Variants in ENTREP2 observed in about 807,000 individuals in gnomAD.
ENTREP2 encodes protein ENTREP2.
the ENTREP2 span, among the ~76,000 whole-genome samples, chr15:29,289,204 C>T: frequency 7.0e-6 from 1 of 142,654 alleles, no homozygotes; most frequent in Admixed American, 7.1e-5. Context: ...GAGACCCTGT[C>T]TCAAAAAAAA....
At chr15:29,503,329 C>G in the ENTREP2 span, among the ~76,000 whole-genome samples, 1 of 152,002 alleles carries the variant, frequency 6.6e-6, no homozygotes, top group Non-Finnish European at 1.5e-5. Flanking sequence ...GTAAAAGAAG[C>G]CAAATACAAA....
the ENTREP2 span, among the ~76,000 whole-genome samples, chr15:29,135,880 T>C: frequency 1.3e-5 from 2 of 152,138 alleles, no homozygotes; most frequent in Admixed American, 6.5e-5. This position sits in a 1 kb window ranked among gnomAD's most constrained non-coding sequence, Gnocchi z 7.4. Flanking sequence ...TGGCAGTGTG[T>C]GATCAAGACA....
the ENTREP2 span, among the ~76,000 whole-genome samples, chr15:29,611,925 C>T: frequency 6.6e-6 from 1 of 152,188 alleles, no homozygotes; most frequent in African/African-American, 2.4e-5. Context: ...CTTCGCTGCA[C>T]CTCCACTCCT....
chr15:29,528,681 A>G, the ENTREP2 span, among the ~76,000 whole-genome samples: 1 of 150,026 alleles, frequency 6.7e-6, no homozygotes, highest in Non-Finnish European at 1.5e-5. Flanking sequence ...AAGAACTGTA[A>G]TTCTAGATAG....
the ENTREP2 span, among the ~76,000 whole-genome samples, chr15:29,657,000 G>A: frequency 1.3e-5 from 2 of 152,132 alleles, no homozygotes; most frequent in African/African-American, 4.8e-5. Flanking sequence ...CAGGGTGTTC[G>A]TGGTCTCGCT....
At chr15:29,181,529 A>G in the ENTREP2 span, among the ~76,000 whole-genome samples, 1 of 152,286 alleles carries the variant, frequency 6.6e-6, no homozygotes, top group South Asian at 2.1e-4. Flanking sequence ...AGAAAAGCAA[A>G]GTAGATTTTC....
the ENTREP2 span, among the ~76,000 whole-genome samples, chr15:29,419,939 A>G: frequency 6.6e-6 from 1 of 152,168 alleles, no homozygotes; most frequent in Admixed American, 6.5e-5. Flanking sequence ...CTAGAGAAAA[A>G]CCCAAATAAG....
the ENTREP2 span, among the ~76,000 whole-genome samples, chr15:29,178,110 T>C: frequency 6.6e-6 from 1 of 151,376 alleles, no homozygotes; most frequent in Non-Finnish European, 1.5e-5. Context: ...CTGGGCAACA[T>C]AGTCATGCCT....
At chr15:29,535,208 C>A in the ENTREP2 span, among the ~76,000 whole-genome samples, 144 of 151,636 alleles carry the variant, frequency 9.5e-4, no homozygotes, top group Non-Finnish European at 1.9e-3. Flanking sequence ...TATGACTGTG[C>A]CGTTTGCACT....
the ENTREP2 span, among the ~76,000 whole-genome samples, chr15:29,351,500 T>C: frequency 1.7e-4 from 26 of 151,970 alleles, no homozygotes; most frequent in East Asian, 5.0e-3. Context: ...AAGATAAATG[T>C]TTATACTCCA....
chr15:29,311,468 T>G, the ENTREP2 span, among the ~76,000 whole-genome samples: 1 of 152,178 alleles, frequency 6.6e-6, no homozygotes, highest in Non-Finnish European at 1.5e-5. Flanking sequence ...GGTGGGCGGA[T>G]CACTTGAGAT....
At chr15:29,273,533 A>C in the ENTREP2 span, among the ~76,000 whole-genome samples, 5,699 of 152,174 alleles carry the variant, frequency 0.037, 149 homozygotes, top group Non-Finnish European at 0.059. Flanking sequence ...TGTGATGATT[A>C]ATGTGGAGTG....
the ENTREP2 span, among the ~76,000 whole-genome samples, chr15:29,282,296 TC>T: frequency 2.6e-5 from 4 of 152,158 alleles, no homozygotes; most frequent in African/African-American, 9.7e-5. Context: ...GTTCTCATTC[TC>T]TCTTGTCTGC....
the ENTREP2 span, among the ~76,000 whole-genome samples, chr15:29,165,295 C>T: frequency 1.3e-5 from 2 of 151,846 alleles, no homozygotes; most frequent in African/African-American, 2.4e-5. Context: ...AAACCCAAAC[C>T]CAGCAGAAGA....
chr15:29,571,035 T>TGCTGCCGTACCGGGCGCGAGCC, the ENTREP2 span, among the ~76,000 whole-genome samples: 19 of 146,022 alleles, frequency 1.3e-4, no homozygotes, highest in African/African-American at 2.2e-4. Context: ...CCGCCGCCGC[T>TGCTGCCGTACCGGGCGCGAGCC]GCTGCCGTAC....
the ENTREP2 span, chr15:29,612,599 A>AT: frequency 6.5e-6 from 1 of 153,920 alleles, no homozygotes; most frequent in African/African-American, 2.4e-5. Flanking sequence ...TCCAGACAGG[A>AT]CACTGTGGCA....
At chr15:29,504,983 A>G in the ENTREP2 span, among the ~76,000 whole-genome samples, 1 of 152,254 alleles carries the variant, frequency 6.6e-6, no homozygotes, top group Non-Finnish European at 1.5e-5. Context: ...AAGGATGTAC[A>G]ATGCCAAGTC....
At chr15:29,212,926 C>T in the ENTREP2 span, among the ~76,000 whole-genome samples, 1 of 152,128 alleles carries the variant, frequency 6.6e-6, no homozygotes, top group African/African-American at 2.4e-5. Flanking sequence ...GGTTTTAGGT[C>T]TAACATTTAA....
At chr15:29,498,298 GGACTGA>G in the ENTREP2 span, among the ~76,000 whole-genome samples, 2 of 151,992 alleles carry the variant, frequency 1.3e-5, no homozygotes, top group East Asian at 3.9e-4. Flanking sequence ...GTGTGAGAAT[GGACTGA>G]TATACCCAAA....
Sources: gnomAD v4.1 joint callset for allele counts (sites outside exome capture counted in the v4.1 genomes callset) on GRCh38, gnomAD v4.1.1 for gene constraint, Gnocchi (gnomAD v3.1) non-coding constraint, MANE v1.5 for transcripts, NCBI Gene and HGNC (gene_info 2026-07-23, HGNC 2026-07-21) for gene names.